The following ABCA12 variants were observed in gnomAD, a reference collection of about 807,000 sequenced individuals.
ABCA12 encodes the protein glucosylceramide transporter ABCA12.
A neutral mutation model predicts 293.5 loss-of-function variants in ABCA12; 156 were observed. That is an observed-to-expected ratio of 0.53 (90% confidence interval 0.47 to 0.61). ABCA12 has a LOEUF of 0.61. Among genes scored for constraint, ABCA12 ranks in the 20% least tolerant of loss-of-function variants. ABCA12 has a pLI of 0.00. For missense variants in ABCA12, 2,797 were observed against 3,090.2 expected, an observed-to-expected ratio of 0.91 and a Z score of 2.25; for synonymous variants, 1,063 against 1,108.0, an observed-to-expected ratio of 0.96 and a Z score of 0.81.
chr2:214,987,612 C>A, intron 27 of ABCA12, 35 bp downstream of exon 27: 1 of 1,592,852 alleles, frequency 6.3e-7, no homozygotes, highest in Non-Finnish European at 8.6e-7. Flanking sequence ...TCATTTCTCT[C>A]ATAACAAAGC....
At chr2:215,048,813 C>A (rs904010181) in intron 6 of ABCA12, among the ~76,000 whole-genome samples, 2 of 152,190 alleles carry the variant, frequency 1.3e-5, no homozygotes, top group African/African-American at 4.8e-5. Context: ...CTGCGGAATA[C>A]TATGCAGCCA....
At chr2:215,120,466 TAAAG>T (rs1301898470) in intron 1 of ABCA12, among the ~76,000 whole-genome samples, 2 of 151,882 alleles carry the variant, frequency 1.3e-5, no homozygotes, top group Non-Finnish European at 2.9e-5. Context: ...AAGAGAAAGA[TAAAG>T]AAAGCTGAGT....
intron 2 of ABCA12, among the ~76,000 whole-genome samples, chr2:215,085,264 A>C (rs949431057): frequency 6.6e-6 from 1 of 152,186 alleles, no homozygotes; most frequent in Admixed American, 6.5e-5. Context: ...TCACTGTTTT[A>C]AATGTTAACT....
At chr2:214,992,962 C>A (rs970422935) in intron 23 of ABCA12, among the ~76,000 whole-genome samples, 1 of 152,128 alleles carries the variant, frequency 6.6e-6, no homozygotes, top group East Asian at 1.9e-4. Flanking sequence ...AATGCCCCAC[C>A]CCCTTAAACC....
chr2:215,033,516 G>T (rs1700923216), intron 8 of ABCA12, among the ~76,000 whole-genome samples: 1 of 152,040 alleles, frequency 6.6e-6, no homozygotes, highest in African/African-American at 2.4e-5. Context: ...CTTCCCTTTG[G>T]TCACTAAGGA....
chr2:215,093,190 CT>C (rs1702183228), intron 2 of ABCA12, among the ~76,000 whole-genome samples: 1 of 152,166 alleles, frequency 6.6e-6, no homozygotes, highest in Non-Finnish European at 1.5e-5. Flanking sequence ...CAGCATAATT[CT>C]TCATGAAAAC....
Position 214,948,715 on chromosome 2 carries a change from G to A in ABCA12, c.6985C>T (p.His2329Tyr). ...GGACAGTAGCCAACTAATGAGCTGTGAGAATCAACGTGACCCAGAGATCTG... is the reference window on the plus strand; with the variant it reads ...GGACAGTAGCCAACTAATGAGCTGTAAGAATCAACGTGACCCAGAGATCTG... ...KTGSLGHVDS[H>Y]SSLVGYCPQE... Residue 2329 changes from histidine (H) to tyrosine (Y), a missense_variant, in exon 47 of 53, where the codon CAC becomes TAC. By Grantham distance (83) the His-to-Tyr change is moderately conservative. Around this residue, in one of 3 missense-constraint regions of ABCA12, gnomAD observed 2,130 missense variants for 2,427.0 expected, o/e 0.88. Transcript: ENST00000272895. 6.2e-7 allele frequency: 1 copy of A among 1,614,070 alleles called. No individual in the cohort carries two copies.
intron 1 of ABCA12, among the ~76,000 whole-genome samples, chr2:215,118,491 C>CCAAAAA (rs1414311804): frequency 6.6e-6 from 1 of 152,002 alleles, no homozygotes; most frequent in Non-Finnish European, 1.5e-5. Context: ...TTGCCTCACT[C>CCAAAAA]CAAAAACAAA....
chr2:215,084,129 C>G (rs545467422), intron 2 of ABCA12, among the ~76,000 whole-genome samples: 3 of 152,180 alleles, frequency 2.0e-5, no homozygotes, highest in African/African-American at 7.2e-5. Flanking sequence ...AGACACGTAC[C>G]ACCACACCTG....
intron 3 of ABCA12, among the ~76,000 whole-genome samples, chr2:215,061,381 G>A (rs1280321503): frequency 6.6e-6 from 1 of 151,996 alleles, no homozygotes; most frequent in African/African-American, 2.4e-5. Context: ...TTTCAGAAGA[G>A]CATTCTATTA....
chr2:215,011,860 G>T, intron 16 of ABCA12, 111 bp downstream of exon 16: 1 of 1,153,418 alleles, frequency 8.7e-7, no homozygotes, highest in South Asian at 1.3e-5. Context: ...TTTCTTGTAG[G>T]TGTTGTTTTT....
At chr2:214,987,620 AG>A in intron 27 of ABCA12, 26 bp downstream of exon 27, 1 of 1,600,428 alleles carries the variant, frequency 6.2e-7, no homozygotes, top group Non-Finnish European at 8.5e-7. Flanking sequence ...CTCATAACAA[AG>A]CACGCTGTTG....
chr2:215,003,777 C>A (rs1356967042), intron 20 of ABCA12, among the ~76,000 whole-genome samples: 2 of 151,956 alleles, frequency 1.3e-5, no homozygotes, highest in East Asian at 1.9e-4. Flanking sequence ...AAGCAATTCT[C>A]CTGCCTCAGC....
At chr2:215,052,443 C>T in intron 5 of ABCA12, 44 bp downstream of exon 5, 1 of 1,495,476 alleles carries the variant, frequency 6.7e-7, no homozygotes, top group Non-Finnish European at 9.3e-7. Flanking sequence ...CCTAAAAGGC[C>T]TATGTTGAAT....
chr2:214,942,819 A>C, intron 50 of ABCA12, 106 bp downstream of exon 50: 1 of 919,530 alleles, frequency 1.1e-6, no homozygotes, highest in Non-Finnish European at 1.7e-6. Context: ...TAGCTTGTCC[A>C]TTCTAGTTTT....
chr2:215,092,603 T>C (rs543406225), intron 2 of ABCA12, among the ~76,000 whole-genome samples: 1 of 152,208 alleles, frequency 6.6e-6, no homozygotes, highest in African/African-American at 2.4e-5. Context: ...TTTAAAACGG[T>C]TAAAGCTTGT....
In ABCA12 at chr2:215,081,627, A is replaced by T. The variant is rs78325102; in HGVS notation, c.164-17408T>A. On this transcript the variant is annotated intron_variant, in intron 2 of 52. Coordinates refer to ENST00000272895, the MANE Select transcript of ABCA12 (RefSeq NM_173076.3). ...ACCAAATTATTACACTGCTCCTTGG[A>T]TTACTTTTAAACATTGGAATGCTCT... 9.7e-3 allele frequency among the ~76,000 whole-genome samples: 1,483 copies of T among 152,292 alleles called. 36 individuals carry two copies. The highest frequency in any genetic ancestry group is 0.034 in the African/African-American group (1,406 of 41,550).
intron 2 of ABCA12, among the ~76,000 whole-genome samples, chr2:215,097,479 T>C (rs1702270295): frequency 6.6e-6 from 1 of 152,164 alleles, no homozygotes; most frequent in African/African-American, 2.4e-5. Context: ...AGAGTCCACA[T>C]GATGCTATAA....
intron 7 of ABCA12, 147 bp from the exon 8 acceptor site, chr2:215,037,212 G>A (rs1038667376): frequency 8.8e-5 from 60 of 684,076 alleles, no homozygotes; most frequent in Middle Eastern, 7.6e-4. Flanking sequence ...TTAATTACTT[G>A]TTTGTCTGTT....
Sources: gnomAD v4.1 joint callset for allele counts (sites outside exome capture counted in the v4.1 genomes callset) on GRCh38, gnomAD v4.1.1 for gene constraint, gnomAD v4.1.1 regional missense constraint, MANE v1.5 for transcripts, NCBI Gene and HGNC (gene_info 2026-07-23, HGNC 2026-07-21) for gene names.